DMRT1: variants seen among roughly 807,000 people sequenced by gnomAD.
DMRT1 encodes doublesex and mab-3 related transcription factor 1.
In DMRT1, 7 loss-of-function variants were observed where a neutral mutation model predicts 32.3. The observed-to-expected ratio is 0.22, with a 90% CI of 0.12 to 0.41. DMRT1 has a LOEUF of 0.41. Among genes scored for constraint, DMRT1 ranks in the 10% least tolerant of loss-of-function variants. The pLI is 1.00. For missense variants in DMRT1, 625 were observed against 500.5 expected, an observed-to-expected ratio of 1.25 and a Z score of -2.37; for synonymous variants, 278 against 206.1, an observed-to-expected ratio of 1.35 and a Z score of -2.99.
rs180894854 is a variant in DMRT1, at chr9:877,337, C to G, written c.539-16575C>G. ...ATACCTTAGAGGTATGTCTCACCCCCCTGGAGGGTGCAGTAAGGGTTCTGA... is the reference window on the plus strand; with the variant it reads ...ATACCTTAGAGGTATGTCTCACCCCGCTGGAGGGTGCAGTAAGGGTTCTGA... On this transcript the variant is annotated intron_variant, in intron 2 of 4. Coordinates refer to ENST00000382276, the MANE Select transcript of DMRT1 (RefSeq NM_021951.3). Among the ~76,000 whole-genome samples, 17 of 152,278 alleles carry G rather than the reference C, an allele frequency of 1.1e-4. No homozygotes were observed. In the South Asian group the frequency reaches 1.9e-3, roughly 17 times the overall value.
At chr9:880,842 C>G (rs1816707892) in intron 2 of DMRT1, among the ~76,000 whole-genome samples, 2 of 152,090 alleles carry the variant, frequency 1.3e-5, no homozygotes, top group Non-Finnish European at 2.9e-5. Flanking sequence ...TGCCCGTCAC[C>G]ACAGCAAAAA....
chr9:927,485 G>A (rs1056623768), intron 4 of DMRT1, among the ~76,000 whole-genome samples: 2 of 152,162 alleles, frequency 1.3e-5, no homozygotes, highest in Non-Finnish European at 2.9e-5. Context: ...GCGCGGTGGC[G>A]TTTACACTAG....
At chr9:852,642 T>A (rs1466289078) in intron 2 of DMRT1, among the ~76,000 whole-genome samples, 1 of 152,236 alleles carries the variant, frequency 6.6e-6, no homozygotes, top group Non-Finnish European at 1.5e-5. Flanking sequence ...CAGTTCTGCA[T>A]GTGTGTCCTT....
chr9:884,559 G>A (rs1816851901), intron 2 of DMRT1, among the ~76,000 whole-genome samples: 1 of 152,144 alleles, frequency 6.6e-6, no homozygotes, highest in Non-Finnish European at 1.5e-5. Context: ...AAATGCTATT[G>A]GTAATTTTTC....
chr9:929,328 C>T (rs1034962958), intron 4 of DMRT1, among the ~76,000 whole-genome samples: 1 of 151,610 alleles, frequency 6.6e-6, no homozygotes, highest in African/African-American at 2.4e-5. Flanking sequence ...ATGAGGATCT[C>T]ACTATGTTGC....
chr9:874,137 T>G (rs1428642637), intron 2 of DMRT1, among the ~76,000 whole-genome samples: 1 of 152,244 alleles, frequency 6.6e-6, no homozygotes, highest in East Asian at 1.9e-4. Flanking sequence ...GGGTAGAATC[T>G]CTTTTCTCCT....
chr9:905,473 CCT>C (rs75465871), intron 3 of DMRT1, among the ~76,000 whole-genome samples: 92,541 of 143,418 alleles, frequency 0.65, 31,690 homozygotes, highest in Middle Eastern at 0.78. Flanking sequence ...CTCCCTTGCC[CCT>C]GTGTGTGTGT....
chr9:943,424 C>CCTCCCTGG (rs1476500934), intron 4 of DMRT1, among the ~76,000 whole-genome samples: 1 of 152,186 alleles, frequency 6.6e-6, no homozygotes, highest in Non-Finnish European at 1.5e-5. Flanking sequence ...GATGCTTTCA[C>CCTCCCTGG]AGAGGCATTG....
chr9:921,275 T>A (rs1818345108), intron 4 of DMRT1, among the ~76,000 whole-genome samples: 1 of 152,202 alleles, frequency 6.6e-6, no homozygotes, highest in Admixed American at 6.5e-5. Flanking sequence ...TCGCTTAGCT[T>A]AAATGTTTTC....
At chr9:945,743 T>C (rs541116030) in intron 4 of DMRT1, among the ~76,000 whole-genome samples, 2 of 150,584 alleles carry the variant, frequency 1.3e-5, no homozygotes, top group East Asian at 3.9e-4. Flanking sequence ...ATACACACTT[T>C]TTTTTTTTTT....
chr9:857,322 ATG>A (rs1220383862), intron 2 of DMRT1, among the ~76,000 whole-genome samples: 5 of 151,884 alleles, frequency 3.3e-5, no homozygotes, highest in African/African-American at 1.2e-4. Flanking sequence ...AAATATATAT[ATG>A]TGTATATATT....
At position 841,756 on chromosome 9, in the gene DMRT1, T is replaced by C. The variant is rs1051327811; in HGVS notation, c.-83T>C. ...CTCCTGCGCCTCCTCCTCCGGAGCG[T>C]CGCTGTCCGTCGGGTTCATCCCTCG... On this transcript the variant is annotated 5_prime_UTR_variant, in exon 1 of 5. Transcript: ENST00000382276. 92 of 1,549,616 alleles carry C rather than the reference T, an allele frequency of 5.9e-5. No homozygotes were observed. Among genetic ancestry groups the C allele is most frequent in the Non-Finnish European group, 7.8e-5 (89 of 1,147,804 alleles).
intron 3 of DMRT1, among the ~76,000 whole-genome samples, chr9:900,879 A>T (rs1259274883): frequency 1.3e-5 from 2 of 151,806 alleles, no homozygotes; most frequent in Non-Finnish European, 2.9e-5. Context: ...TTTTGTAGAG[A>T]TGGGGGTCTC....
intron 3 of DMRT1, among the ~76,000 whole-genome samples, chr9:899,190 A>T (rs1297381256): frequency 1.3e-5 from 2 of 152,182 alleles, no homozygotes; most frequent in African/African-American, 2.4e-5. Context: ...ATATTTTAAA[A>T]AAGAAACAAG....
At chr9:869,911 G>A (rs546359512) in intron 2 of DMRT1, among the ~76,000 whole-genome samples, 152 of 152,184 alleles carry the variant, frequency 1.0e-3, no homozygotes, top group African/African-American at 2.1e-3. Flanking sequence ...GTTGGTGGGC[G>A]TCCTAGTTAC....
At chr9:883,845 C>T (rs1816826642) in intron 2 of DMRT1, among the ~76,000 whole-genome samples, 2 of 151,538 alleles carry the variant, frequency 1.3e-5, no homozygotes, top group African/African-American at 4.8e-5. Flanking sequence ...ACCCTCGTAG[C>T]GCTCAACACA....
intron 2 of DMRT1, among the ~76,000 whole-genome samples, chr9:873,565 C>T (rs935352754): frequency 1.2e-4 from 18 of 152,152 alleles, no homozygotes; most frequent in African/African-American, 2.2e-4. Flanking sequence ...GTGATCCACC[C>T]GCCTTGGCCT....
At chr9:880,289 C>T (rs555875221) in intron 2 of DMRT1, among the ~76,000 whole-genome samples, 63 of 152,234 alleles carry the variant, frequency 4.1e-4, no homozygotes, top group Non-Finnish European at 3.1e-4. Context: ...TTTAAAAAGA[C>T]GTGTACTCTG....
intron 4 of DMRT1, among the ~76,000 whole-genome samples, chr9:924,024 T>G (rs1032151700): frequency 3.3e-5 from 5 of 151,906 alleles, no homozygotes; most frequent in Admixed American, 6.6e-5. Context: ...AGACGAGGTC[T>G]TGCTCAGGTC....
Sources: allele counts gnomAD v4.1 joint callset (sites outside exome capture counted in the v4.1 genomes callset), GRCh38; gene constraint gnomAD v4.1.1; transcripts MANE v1.5; gene names NCBI Gene and HGNC (gene_info 2026-07-23, HGNC 2026-07-21).